Variants in GPM6A observed in about 807,000 individuals in gnomAD.
GPM6A encodes the protein glycoprotein M6A, also known as neuronal membrane glycoprotein M6-a.
In GPM6A, 7 loss-of-function variants were observed where a neutral mutation model predicts 32.1. The ratio of observed to expected loss-of-function variants is 0.22; its 90% confidence interval spans 0.12 to 0.41. GPM6A has a LOEUF of 0.41. Among genes scored for constraint, GPM6A ranks in the 10% least tolerant of loss-of-function variants. The probability of loss-of-function intolerance (pLI) is 1.00; values close to 1 mark genes in which losing one functional copy is unlikely to be tolerated. For missense variants in GPM6A, 235 were observed against 347.2 expected, an observed-to-expected ratio of 0.68 and a Z score of 2.57; for synonymous variants, 130 against 123.4, an observed-to-expected ratio of 1.05 and a Z score of -0.35.
intron 1 of GPM6A, among the ~76,000 whole-genome samples, chr4:175,747,767 T>C (rs1732166803): frequency 6.6e-6 from 1 of 151,894 alleles, no homozygotes. Context: ...GCTGTGTCAA[T>C]TTCTTAAAAT....
chr4:175,823,020 C>G (rs1424385982), intron 1 of GPM6A, among the ~76,000 whole-genome samples: 5 of 152,144 alleles, frequency 3.3e-5, no homozygotes, highest in Non-Finnish European at 7.3e-5. Flanking sequence ...ATGTTATAGA[C>G]ATTGGGCTGG....
In GPM6A at chr4:175,907,628, A is replaced by G. The variant is rs145798432; in HGVS notation, c.-23+94681T>C. On this transcript the variant is annotated intron_variant, in intron 1 of 7. Transcript: ENST00000280187. The stretch of plus-strand genomic sequence containing the variant: ...CCTTCTCTTGCCCTTCTGTCCTGAA[A>G]CAGGTCATAAAACCCTCCGGTGAGA... Among the ~76,000 whole-genome samples, 309 of 152,266 alleles carry G rather than the reference A, an allele frequency of 2.0e-3. 2 individuals are homozygous for G. The highest frequency in any genetic ancestry group is 5.7e-3 in the Admixed American group (87 of 15,272).
chr4:175,712,372 C>A (rs925706749), intron 1 of GPM6A, among the ~76,000 whole-genome samples: 1 of 152,080 alleles, frequency 6.6e-6, no homozygotes, highest in African/African-American at 2.4e-5. Flanking sequence ...GCTCGTGGTG[C>A]CCCCAGAGTG....
intron 1 of GPM6A, among the ~76,000 whole-genome samples, chr4:175,759,824 T>G (rs979536559): frequency 6.6e-6 from 1 of 152,174 alleles, no homozygotes; most frequent in African/African-American, 2.4e-5. Flanking sequence ...ATTTTCTCCT[T>G]CATAAGAAAG....
intron 1 of GPM6A, among the ~76,000 whole-genome samples, chr4:175,926,312 T>C (rs1305555302): frequency 6.6e-6 from 1 of 152,186 alleles, no homozygotes; most frequent in African/African-American, 2.4e-5. Flanking sequence ...TTGCAATTAC[T>C]AGGAATAGGC....
intron 1 of GPM6A, among the ~76,000 whole-genome samples, chr4:175,715,197 T>C (rs747889703): frequency 1.3e-5 from 2 of 152,204 alleles, no homozygotes; most frequent in Non-Finnish European, 2.9e-5. Context: ...TTGCTCAAAA[T>C]ACTCATTCAT....
intron 1 of GPM6A, among the ~76,000 whole-genome samples, chr4:175,873,814 A>G (rs984737892): frequency 6.6e-6 from 1 of 152,334 alleles, no homozygotes; most frequent in South Asian, 2.1e-4. Context: ...CAGGAAGCTC[A>G]GTAAATAATT....
At chr4:175,886,722 A>AACACACAC (rs34241399) in intron 1 of GPM6A, among the ~76,000 whole-genome samples, 262 of 145,818 alleles carry the variant, frequency 1.8e-3, no homozygotes, top group African/African-American at 6.2e-3. Context: ...AAACTCAGTA[A>AACACACAC]ACACACACAC....
intron 1 of GPM6A, among the ~76,000 whole-genome samples, chr4:175,950,402 C>G (rs1434930470): frequency 6.6e-6 from 1 of 152,064 alleles, no homozygotes; most frequent in East Asian, 1.9e-4. Context: ...ATAATATGTT[C>G]TATACAACTG....
chr4:175,839,452 G>T (rs1378772622), intron 1 of GPM6A, among the ~76,000 whole-genome samples: 1 of 152,104 alleles, frequency 6.6e-6, no homozygotes, highest in Non-Finnish European at 1.5e-5. Context: ...GAAATAGTTT[G>T]GACTTCACCA....
At chr4:175,883,521 A>C (rs1437769850) in intron 1 of GPM6A, among the ~76,000 whole-genome samples, 4 of 152,144 alleles carry the variant, frequency 2.6e-5, no homozygotes, top group Admixed American at 2.0e-4. Context: ...CTAAATTTTC[A>C]TCAGAAGTAC....
At chr4:175,867,349 T>C (rs955686626) in intron 1 of GPM6A, among the ~76,000 whole-genome samples, 3 of 152,192 alleles carry the variant, frequency 2.0e-5, no homozygotes, top group Non-Finnish European at 4.4e-5. Context: ...ATCTAGTTTT[T>C]CTTCTCATGT....
chr4:175,751,771 T>C (rs1321854175), intron 1 of GPM6A, among the ~76,000 whole-genome samples: 1 of 152,168 alleles, frequency 6.6e-6, no homozygotes, highest in South Asian at 2.1e-4. Flanking sequence ...TTGTTGTTTG[T>C]TTTTTGGTTT....
chr4:175,872,088 C>A (rs1449689087), intron 1 of GPM6A, among the ~76,000 whole-genome samples: 1 of 152,206 alleles, frequency 6.6e-6, no homozygotes, highest in African/African-American at 2.4e-5. Flanking sequence ...TTCTATTGGC[C>A]TTTCCTTCTC....
At chr4:175,864,174 G>T (rs1417764365) in intron 1 of GPM6A, among the ~76,000 whole-genome samples, 1 of 152,006 alleles carries the variant, frequency 6.6e-6, no homozygotes, top group East Asian at 1.9e-4. Context: ...ATTTGTTTTT[G>T]TTTTTGTTGT....
At chr4:175,932,219 G>A (rs757182811) in intron 1 of GPM6A, among the ~76,000 whole-genome samples, 8 of 152,140 alleles carry the variant, frequency 5.3e-5, no homozygotes, top group Admixed American at 2.6e-4. Flanking sequence ...CAGTACTATA[G>A]TATTAGGAGA....
Position 175,701,739 on chromosome 4 carries a change from C to T in GPM6A, c.66G>A (p.Leu22=), listed in dbSNP as rs766479791. ...TCAGAGAGGCATAGGGAATGCCCCCCAGGCATTTGATACAGCATTCAAAAC... is the reference window on the plus strand; with the variant it reads ...TCAGAGAGGCATAGGGAATGCCCCCTAGGCATTTGATACAGCATTCAAAAC... The part of the protein sequence containing the change: ...KGCFECCIKC[L]GGIPYASLIA... Residue 22 remains leucine, a synonymous_variant, in exon 2 of 7, where the codon CTG becomes CTA. Coordinates refer to ENST00000393658, the MANE Select transcript of GPM6A (RefSeq NM_201591.3). 6.2e-7 allele frequency: 1 copy of T among 1,612,748 alleles called. No homozygotes were observed. Among genetic ancestry groups the T allele is most frequent in the African/African-American group, 1.3e-5 (1 of 75,004 alleles).
Position 175,812,216 on chromosome 4 carries a change from A to G in GPM6A, c.12T>C (p.Asn4=), listed in dbSNP as rs1408378776. The change falls in exon 1 of 7, where the codon AAT becomes AAC. Residue 4 remains asparagine (N), a synonymous_variant. Transcript: ENST00000393658. The part of the protein sequence containing the change: MEE[N]MEEGQTQKGC... The stretch of plus-strand genomic sequence containing the variant: ...CTTTTTGTGTCTGTCCCTCTTCCAT[A>G]TTCTCTTCCATGGCTACCTTTCTTC... 21 of 1,559,988 alleles carry G rather than the reference A, an allele frequency of 1.3e-5. No individual in the cohort carries two copies. The highest frequency in any genetic ancestry group is 1.7e-5 in the Non-Finnish European group (20 of 1,154,006).
At chr4:175,963,799 G>A (rs970376442) in intron 1 of GPM6A, among the ~76,000 whole-genome samples, 4 of 151,992 alleles carry the variant, frequency 2.6e-5, no homozygotes, top group African/African-American at 7.2e-5. Flanking sequence ...CAATGTATTC[G>A]ATGATTTTAT....
Sources: allele counts gnomAD v4.1 joint callset (sites outside exome capture counted in the v4.1 genomes callset), GRCh38; gene constraint gnomAD v4.1.1; transcripts MANE v1.5; gene names NCBI Gene and HGNC (gene_info 2026-07-23, HGNC 2026-07-21).